PCDH7: variants seen among roughly 807,000 people sequenced by gnomAD.
PCDH7 encodes protocadherin 7, also known as protocadherin-7.
In PCDH7, 17 loss-of-function variants were observed where a neutral mutation model predicts 58.9. The ratio of observed to expected loss-of-function variants is 0.29; its 90% CI spans 0.20 to 0.43. PCDH7 has a LOEUF of 0.43. PCDH7 is among the 20% of genes least tolerant of loss of function. The pLI is 1.00. For synonymous variants in PCDH7, 664 were observed against 616.4 expected (o/e 1.08, Z -1.14); for missense variants, 1,274 against 1,441.0 (o/e 0.88, Z 1.88).
chr4:31,061,224 T>C (rs1757666678), intron 3 of PCDH7, among the ~76,000 whole-genome samples: 1 of 151,704 alleles, frequency 6.6e-6, no homozygotes, highest in Non-Finnish European at 1.5e-5. Context: ...ATTTGCACTG[T>C]TCCCTGGATT....
In PCDH7 at chr4:30,866,258, C is replaced by A. The variant is rs1407709712; in HGVS notation, c.71-53895C>A. 1.5e-4 allele frequency among the ~76,000 whole-genome samples: 23 copies of A among 152,014 alleles called. 1 individual carries two copies. The highest frequency in any genetic ancestry group is 1.4e-3 in the Admixed American group (22 of 15,214). ...ATGAGGGGAGATTTGAGAAGTTTAA[C>A]CTGGCTTGTTACTTAACAGGTTACT... On this transcript the variant is annotated intron_variant, in intron 1 of 3. Coordinates refer to the PCDH7 transcript ENST00000509759.
At chr4:30,878,608 G>A (rs1191272607) in intron 1 of PCDH7, among the ~76,000 whole-genome samples, 1 of 152,022 alleles carries the variant, frequency 6.6e-6, no homozygotes, top group Non-Finnish European at 1.5e-5. Context: ...GAAATATTTG[G>A]GGGGCCAAGA....
chr4:30,811,228 A>G (rs758090524), intron 1 of PCDH7, among the ~76,000 whole-genome samples: 10 of 152,224 alleles, frequency 6.6e-5, no homozygotes, highest in Admixed American at 4.6e-4. Flanking sequence ...GGCACTTGAT[A>G]GGAGTTGGCA....
At chr4:30,963,369 G>A (rs1748659435) in intron 3 of PCDH7, among the ~76,000 whole-genome samples, 1 of 152,074 alleles carries the variant, frequency 6.6e-6, no homozygotes, top group Admixed American at 6.6e-5. Context: ...CACTGTTGGA[G>A]AGCCCTAAAT....
rs186689551 is a variant in PCDH7 at position 30,825,435 on chromosome 4, C to T, written c.71-94718C>T. On this transcript the variant is annotated intron_variant, in intron 1 of 3. Transcript: ENST00000509759. The stretch of plus-strand genomic sequence containing the variant: ...CTCCCTTAGTGTATTGCCCATGAAC[C>T]TTTAGGAATCCTAAGATAGATCAAT... Among the ~76,000 whole-genome samples, 61 of 152,130 alleles carry T rather than the reference C, an allele frequency of 4.0e-4. 1 individual carries two copies. In the East Asian group the frequency reaches 0.011, roughly 28 times the overall value.
rs191081153 is a variant in PCDH7, at chr4:31,084,829, A to G, written c.*8-57644A>G. Among the ~76,000 whole-genome samples, 259 of 151,074 alleles carry G rather than the reference A, an allele frequency of 1.7e-3. 2 individuals are homozygous for G. The highest frequency in any genetic ancestry group is 2.9e-3 in the Non-Finnish European group (199 of 67,738). On this transcript the variant is annotated intron_variant, in intron 3 of 3. Coordinates refer to the PCDH7 transcript ENST00000509759. ...TAGAGGAGAGGCACCACATACTTTTAAACAACCAGATCTTGCATGAACTCA... is the reference window on the plus strand; with the variant it reads ...TAGAGGAGAGGCACCACATACTTTTGAACAACCAGATCTTGCATGAACTCA...
At chr4:30,954,855 G>A (rs1747689097) in intron 3 of PCDH7, among the ~76,000 whole-genome samples, 1 of 152,142 alleles carries the variant, frequency 6.6e-6, no homozygotes, top group Non-Finnish European at 1.5e-5. Flanking sequence ...CCTCCCTGGA[G>A]CATGGTTTCC....
At chr4:31,088,888 A>G (rs10019778) in intron 3 of PCDH7, among the ~76,000 whole-genome samples, 46,267 of 151,930 alleles carry the variant, frequency 0.3, 10,289 homozygotes, top group East Asian at 0.74. Context: ...TTCAATAATA[A>G]TGTTAAAATA....
chr4:31,047,602 A>T (rs1191774070), intron 3 of PCDH7, among the ~76,000 whole-genome samples: 1 of 152,098 alleles, frequency 6.6e-6, no homozygotes, highest in East Asian at 1.9e-4. Context: ...AGAGGCAAAG[A>T]GAGAAATTAT....
At chr4:30,790,261 T>C (rs1175054271) in intron 1 of PCDH7, among the ~76,000 whole-genome samples, 1 of 152,204 alleles carries the variant, frequency 6.6e-6, no homozygotes, top group Non-Finnish European at 1.5e-5. Flanking sequence ...GCTCTCTTAA[T>C]ATTCTTGTTA....
chr4:30,844,426 T>C (rs1390878624), intron 1 of PCDH7, among the ~76,000 whole-genome samples: 1 of 152,340 alleles, frequency 6.6e-6, no homozygotes, highest in South Asian at 2.1e-4. Flanking sequence ...ATTTGCTTTT[T>C]AAGTCAATCC....
At chr4:30,838,174 T>A (rs1240599515) in intron 1 of PCDH7, among the ~76,000 whole-genome samples, 1 of 152,014 alleles carries the variant, frequency 6.6e-6, no homozygotes, top group Non-Finnish European at 1.5e-5. Context: ...TGCATAAATA[T>A]TATAAATTAA....
intron 1 of PCDH7, among the ~76,000 whole-genome samples, chr4:30,787,676 A>G (rs1335950726): frequency 6.6e-5 from 10 of 152,096 alleles, no homozygotes; most frequent in Admixed American, 5.2e-4. Context: ...GATGAATTGC[A>G]TGCTGGAAGT....
In PCDH7 at chr4:31,042,627, C is replaced by CA. The variant is rs1352732460; in HGVS notation, c.*7+92417dup. ...AAGGATTAGATATCGAAGTCAAACT[C>CA]AAAAATTTTACTCTTTAGGGAGAGA... On this transcript the variant is annotated intron_variant, in intron 3 of 3. Coordinates refer to the PCDH7 transcript ENST00000509759. 2.0e-5 allele frequency among the ~76,000 whole-genome samples: 3 copies of CA among 151,838 alleles called. No individual in the cohort carries two copies. In the East Asian group the frequency reaches 5.8e-4, roughly 29 times the overall value.
chr4:30,873,091 C>CT (rs1012080922), intron 1 of PCDH7, among the ~76,000 whole-genome samples: 13 of 151,942 alleles, frequency 8.6e-5, no homozygotes, highest in Admixed American at 3.3e-4. Context: ...CCTGAGTGTT[C>CT]TTTTTGTGAT....
At chr4:30,752,744 C>G (rs755278775) in intron 1 of PCDH7, among the ~76,000 whole-genome samples, 6 of 124,976 alleles carry the variant, frequency 4.8e-5, no homozygotes, top group Non-Finnish European at 7.9e-5. Flanking sequence ...AACCCAGATA[C>G]TCACACATCC....
At chr4:30,775,167 C>T (rs1185949792) in intron 1 of PCDH7, among the ~76,000 whole-genome samples, 4 of 151,990 alleles carry the variant, frequency 2.6e-5, no homozygotes, top group Admixed American at 1.3e-4. Context: ...TGTTAAAGTG[C>T]CGAGAGAGAA....
intron 3 of PCDH7, among the ~76,000 whole-genome samples, chr4:31,110,578 C>T (rs1578824347): frequency 6.6e-6 from 1 of 152,084 alleles, no homozygotes; most frequent in Non-Finnish European, 1.5e-5. Context: ...ATTATTTTGA[C>T]CAAGTAGTTC....
chr4:30,998,103 T>C (rs1027342711), intron 3 of PCDH7, among the ~76,000 whole-genome samples: 2 of 152,200 alleles, frequency 1.3e-5, no homozygotes, highest in Non-Finnish European at 2.9e-5. Context: ...AATAGAGTTT[T>C]AGTTTTATAA....
Sources: gnomAD v4.1 joint callset for allele counts (sites outside exome capture counted in the v4.1 genomes callset) on GRCh38, gnomAD v4.1.1 for gene constraint, MANE v1.5 for transcripts, NCBI Gene and HGNC (gene_info 2026-07-23, HGNC 2026-07-21) for gene names.